The following MEST variants were observed in gnomAD, a reference collection of about 807,000 sequenced individuals.
MEST encodes mesoderm specific transcript.
In MEST, 18 loss-of-function variants were observed where a neutral mutation model predicts 50.9. The observed-to-expected ratio is 0.35, with a 90% confidence interval of 0.24 to 0.52. The LOEUF (loss-of-function observed/expected upper bound fraction) is 0.52, where lower values mean the gene tolerates loss of function less well. Ranked by LOEUF, MEST falls within the 20% of genes least tolerant of loss-of-function variation. MEST has a pLI of 0.94. For synonymous variants in MEST, 130 were observed against 154.1 expected, an observed-to-expected ratio of 0.84 and a Z score of 1.16; for missense variants, 282 against 425.3, an observed-to-expected ratio of 0.66 and a Z score of 2.96.
At chr7:130,494,869 ACT>A (rs1798980800) in intron 1 of MEST, 1 of 976,320 alleles carries the variant, frequency 1.0e-6, no homozygotes, top group Non-Finnish European at 1.2e-6. Flanking sequence ...ACACACACAC[ACT>A]CTTTAAAACA....
At chr7:130,491,348 C>G (rs911985288), upstream of MEST, 1 of 152,402 alleles carries the variant, frequency 6.6e-6, no homozygotes. This position sits in a 1 kb window ranked among gnomAD's most constrained non-coding sequence, Gnocchi z 6.8. Flanking sequence ...TGTGGCCAGG[C>G]GTCTGGCATG....
rs1472528965 is a variant in MEST at position 130,492,225 on chromosome 7, C to T, written c.-89C>T. On this transcript the variant is annotated 5_prime_UTR_variant, in exon 1 of 12. Coordinates refer to ENST00000223215, the MANE Select transcript of MEST (RefSeq NM_002402.4). This position sits in a 1 kb window ranked among gnomAD's most constrained non-coding sequence, Gnocchi z 7.6. ...CGGGCTGTGGGCTGCGGGCTGCGCC[C>T]CCGCTGCTGGCCAGCTCTGCACGGC... 28 of 1,145,618 alleles carry T rather than the reference C, an allele frequency of 2.4e-5. 1 individual carries two copies. In the East Asian group the frequency reaches 3.8e-4, roughly 15 times the overall value. The allele number at this position is 1,145,618 out of a possible 1,614,324, so 71.0% of individuals were successfully genotyped here. A position where few individuals can be genotyped will look rare whatever the true frequency, so the allele number is the denominator to read the frequency against.
chr7:130,498,273 C>T lies in MEST; in HGVS notation c.474C>T (p.Tyr158=), dbSNP rs782573775. 4 of 1,613,976 alleles carry T rather than the reference C, an allele frequency of 2.5e-6. No homozygotes were observed. The highest frequency in any genetic ancestry group is 1.3e-5 in the African/African-American group (1 of 75,038). Residue 158 remains tyrosine, a splice_region_variant and synonymous_variant, in exon 5 of 12, where the codon TAC becomes TAT. Transcript: ENST00000223215. ...YGDIVAQELL[Y]RYKQNRSGRL... ...ATATTGTTGCTCAGGAGCTTCTCTA[C>T]AGGTCAGTGGAGCTTCAGACTTCAG...
intron 1 of MEST, among the ~76,000 whole-genome samples, chr7:130,494,177 T>C (rs1357783496): frequency 6.6e-6 from 1 of 152,186 alleles, no homozygotes; most frequent in Non-Finnish European, 1.5e-5. Flanking sequence ...AAAAGTATCT[T>C]GTAAGTTGAG....
At chr7:130,495,762 A>T in intron 2 of MEST, 3 of 341,744 alleles carry the variant, frequency 8.8e-6, no homozygotes, top group Non-Finnish European at 1.5e-5. Flanking sequence ...GTAGCTTGAT[A>T]TGTATTCCAA....
intron 10 of MEST, 51 bp downstream of exon 10, chr7:130,502,771 G>C: frequency 1.5e-6 from 2 of 1,370,232 alleles, no homozygotes; most frequent in Non-Finnish European, 2.1e-6. Context: ...TAGGGTTAAA[G>C]TAATCGCAAC....
In MEST at chr7:130,492,579, G is replaced by A. The variant is rs1481356522; in HGVS notation, c.26+240G>A. On this transcript the variant is annotated intron_variant, in intron 1 of 11. Coordinates refer to ENST00000223215, the MANE Select transcript of MEST (RefSeq NM_002402.4). The surrounding 1 kb of genome is among the most constrained non-coding windows in gnomAD (Gnocchi z 7.6). ...GTTAGGATTTCTAGACCCCGGGATC[G>A]TCGTGGTGAGATTTAGGATTTCTGG... The A allele has an allele frequency of 8.0e-6, 3 of 376,516 alleles. No individual in the cohort carries two copies. The highest frequency in any genetic ancestry group is 7.6e-5 in the East Asian group (2 of 26,236). The allele number at this position is 376,516 out of a possible 1,614,324, so 23.3% of individuals were successfully genotyped here. A position where few individuals can be genotyped will look rare whatever the true frequency, so the allele number is the denominator to read the frequency against.
chr7:130,496,593 T>C (rs528437427), intron 2 of MEST: 7 of 174,978 alleles, frequency 4.0e-5, no homozygotes, highest in South Asian at 1.4e-4. Context: ...AGTTCATGTT[T>C]ATGTTGATTA....
At position 130,497,586 on chromosome 7, in the gene MEST, A is replaced by T. The variant is rs893786857; in HGVS notation, c.262-350A>T. On this transcript the variant is annotated intron_variant, in intron 3 of 11. Coordinates refer to ENST00000223215, the MANE Select transcript of MEST (RefSeq NM_002402.4). This position sits in a 1 kb window ranked among gnomAD's most constrained non-coding sequence, Gnocchi z 4.0. ...AAAAATTTTTTTTTAATAAAAATTT[A>T]AAAAACCTCAAGGATTTTGTTGTCA... 1.6e-5 allele frequency: 4 copies of T among 247,780 alleles called. No homozygotes were observed. Among genetic ancestry groups the T allele is most frequent in the South Asian group, 9.3e-5 (1 of 10,770 alleles). 15.3% of individuals were successfully genotyped at this position (247,780 alleles called of 1,614,324 possible).
At chr7:130,502,514 T>G (rs1490366259) in intron 9 of MEST, 130 bp from the exon 10 acceptor site, 10 of 672,158 alleles carry the variant, frequency 1.5e-5, no homozygotes, top group Non-Finnish European at 2.6e-5. Flanking sequence ...AGTGGGACAT[T>G]TCCAGGAATG....
upstream of MEST, chr7:130,488,584 C>G (rs186803479): frequency 2.0e-5 from 3 of 152,186 alleles, no homozygotes; most frequent in African/African-American, 4.8e-5. Context: ...CTTAGCGTTC[C>G]GAGCTGCCGT....
At position 130,499,897 on chromosome 7, in the gene MEST, T is replaced by C. The variant is rs1554438121; in HGVS notation, c.558T>C (p.Arg186=). ...SNGGIFPETH[R]PLLLQKLLKD... is the part of the protein sequence containing the mutation. ...CAGGTATCTTTCCTGAGACTCACCG[T>C]CCACTCCTTCTCCAAAAGGTTGGTA... The change falls in exon 7 of 12, where the codon CGT becomes CGC. Residue 186 remains arginine, a synonymous_variant. Coordinates refer to ENST00000223215, the MANE Select transcript of MEST (RefSeq NM_002402.4). 1 of 1,612,568 alleles carries C rather than the reference T, an allele frequency of 6.2e-7. No homozygotes were observed. The highest frequency in any genetic ancestry group is 2.2e-5 in the East Asian group (1 of 44,860).
chr7:130,499,254 T>G (rs1799187556), intron 6 of MEST, among the ~76,000 whole-genome samples: 1 of 152,212 alleles, frequency 6.6e-6, no homozygotes, highest in African/African-American at 2.4e-5. Context: ...CTGAACGCCT[T>G]AAGAGCAGAC....
At chr7:130,498,552 G>A in intron 6 of MEST, 75 bp downstream of exon 6, 1 of 1,291,754 alleles carries the variant, frequency 7.7e-7, no homozygotes, top group South Asian at 1.2e-5. Flanking sequence ...GCACCTAAAT[G>A]GTAATCTGAT....
intron 1 of MEST, chr7:130,486,962 C>CT (rs1209163574): frequency 6.5e-6 from 1 of 153,102 alleles, no homozygotes; most frequent in African/African-American, 2.4e-5. Flanking sequence ...GGTGGCGCGG[C>CT]TGGGGGCCTG....
Position 130,505,205 on chromosome 7 carries a change from A to G in MEST, c.*149A>G, listed in dbSNP as rs1799434573. ...TTACTCAAATTGGTGAACAGTGTAT[A>G]GGAAGAAGCCAGCAGGAGCTCTGAC... is the stretch of plus-strand genomic sequence containing the variant. On this transcript the variant is annotated 3_prime_UTR_variant, in exon 12 of 12. Coordinates refer to ENST00000223215, the MANE Select transcript of MEST (RefSeq NM_002402.4). 1.6e-6 allele frequency: 1 copy of G among 643,618 alleles called. No homozygotes were observed. 39.9% of individuals were successfully genotyped at this position (643,618 alleles called of 1,614,324 possible).
chr7:130,498,305 A>T, intron 5 of MEST, 30 bp downstream of exon 5: 1 of 1,612,528 alleles, frequency 6.2e-7, no homozygotes, highest in South Asian at 1.1e-5. Context: ...TCAGCTTATG[A>T]TGCTAGGAAA....
chr7:130,499,716 G>C (rs576570844), intron 6 of MEST, among the ~76,000 whole-genome samples, 159 bp from the exon 7 acceptor site: 118 of 152,250 alleles, frequency 7.8e-4, no homozygotes, highest in Admixed American at 1.7e-3. Context: ...GGTAGGCTGG[G>C]TGAGGTGGCT....
chr7:130,500,346 A>G lies in MEST; in HGVS notation c.577-116A>G. The G allele has an allele frequency of 1.2e-6, 1 of 868,182 alleles. No individual in the cohort carries two copies. The highest frequency in any genetic ancestry group is 1.8e-6 in the Non-Finnish European group (1 of 560,868). 53.8% of individuals were successfully genotyped at this position (868,182 alleles called of 1,614,324 possible). A position where few individuals can be genotyped will look rare whatever the true frequency, so the allele number is the denominator to read the frequency against. ...AGGCAAAACAAAATGCCAAGTACCA[A>G]ACCATTCAGTAGCAGGAGATTTGGC... On this transcript the variant is annotated intron_variant, in intron 7 of 11. Transcript: ENST00000223215. The surrounding 1 kb of genome is among the most constrained non-coding windows in gnomAD (Gnocchi z 5.0).
Sources: gnomAD v4.1 joint callset for allele counts (sites outside exome capture counted in the v4.1 genomes callset) on GRCh38, gnomAD v4.1.1 for gene constraint, Gnocchi (gnomAD v3.1) non-coding constraint, MANE v1.5 for transcripts, NCBI Gene and HGNC (gene_info 2026-07-23, HGNC 2026-07-21) for gene names.